The following CHRFAM7A variants were observed in gnomAD, a reference collection of about 807,000 sequenced individuals.
CHRFAM7A encodes the protein CHRNA7 (exons 5-10) and FAM7A (exons A-E) fusion.
Under a neutral mutation model 29.2 loss-of-function variants are expected in CHRFAM7A, and 3 were observed. That is an observed-to-expected ratio of 0.10 (90% CI 0.05 to 0.27). CHRFAM7A has a LOEUF of 0.27. CHRFAM7A is among the 10% of genes least tolerant of loss of function. The pLI, the probability that CHRFAM7A is intolerant of heterozygous loss-of-function variation, is 1.00. For synonymous variants in CHRFAM7A, 7 were observed against 135.4 expected (o/e 0.05, Z 6.58); for missense variants, 22 against 328.0 (o/e 0.07, Z 7.21).
intron 5 of CHRFAM7A, among the ~76,000 whole-genome samples, chr15:30,374,076 T>C (rs2058895498): frequency 7.9e-6 from 1 of 127,018 alleles, no homozygotes; most frequent in Admixed American, 8.2e-5. Flanking sequence ...TGAAAAGAGC[T>C]ATTCCAGGCT....
rs112532606 is a variant in CHRFAM7A at position 30,376,124 on chromosome 15, GGT to G, written c.160+904_160+905del. Among the ~76,000 whole-genome samples the G allele has an allele frequency of 1.8e-3, 272 of 147,568 alleles. No homozygotes were observed. The East Asian group carries it at 0.039, about 21-fold the overall frequency. The stretch of plus-strand genomic sequence containing the variant: ...TGAGTGGTGTGTGTGAGTACTGAGT[GGT>G]GTGTGTGTGTGAGGTGTGTGTGAGT... On this transcript the variant is annotated intron_variant, in intron 5 of 9. Transcript: ENST00000299847.
chr15:30,375,931 A>T (rs1167897207), intron 5 of CHRFAM7A, among the ~76,000 whole-genome samples: 3 of 10,650 alleles, frequency 2.8e-4, no homozygotes, highest in African/African-American at 8.8e-4. Flanking sequence ...GTGTGTGTTG[A>T]GTCGTGTGGG....
chr15:30,374,589 C>A (rs960959444), intron 5 of CHRFAM7A, among the ~76,000 whole-genome samples: 3 of 144,016 alleles, frequency 2.1e-5, no homozygotes, highest in African/African-American at 7.9e-5. Flanking sequence ...TCAGTGGTTG[C>A]TGGGAGTAGG....
intron 5 of CHRFAM7A, among the ~76,000 whole-genome samples, chr15:30,374,646 T>C (rs1418386218): frequency 1.5e-5 from 2 of 129,842 alleles, no homozygotes; most frequent in Non-Finnish European, 3.3e-5. Flanking sequence ...TGTGGGGTGA[T>C]GGGAATGTTC....
At position 30,373,099 on chromosome 15, in the gene CHRFAM7A, A is replaced by G. The variant is rs766053886; in HGVS notation, c.207T>C (p.Phe69=). 1.3e-6 allele frequency: 2 copies of G among 1,566,210 alleles called. No homozygotes were observed. Among genetic ancestry groups the G allele is most frequent in the South Asian group, 2.2e-5 (2 of 89,248 alleles). Residue 69 remains phenylalanine, a synonymous_variant, in exon 6 of 10, where the codon TTT becomes TTC. Transcript: ENST00000299847. ...ACTTCAGTTTGCAGTGCTGCACATC[A>G]AAGGGAAACCAGCGTACATCGATGT... ...SCYIDVRWFP[F]DVQHCKLKFG... is the part of the protein sequence containing the mutation.
chr15:30,375,791 G>A (rs550564392), intron 5 of CHRFAM7A, among the ~76,000 whole-genome samples: 1 of 151,498 alleles, frequency 6.6e-6, no homozygotes, highest in Admixed American at 6.6e-5. Context: ...GTTGAGTCGT[G>A]TGGGTGGTAT....
intron 8 of CHRFAM7A, among the ~76,000 whole-genome samples, 170 bp downstream of exon 8, chr15:30,370,928 C>T (rs1869702): frequency 6.6e-6 from 1 of 151,772 alleles, no homozygotes; most frequent in Admixed American, 6.6e-5. Context: ...ATATCCCCTT[C>T]CCCTTACTTG....
chr15:30,363,159 G>A (rs566440237), intron 9 of CHRFAM7A, among the ~76,000 whole-genome samples: 1 of 149,308 alleles, frequency 6.7e-6, no homozygotes, highest in African/African-American at 2.5e-5. Context: ...TCTGTAACCC[G>A]GGGACCTTCA....
chr15:30,371,552 C>T (rs2058857957), intron 7 of CHRFAM7A, among the ~76,000 whole-genome samples: 1 of 149,960 alleles, frequency 6.7e-6, no homozygotes, highest in Non-Finnish European at 1.5e-5. Flanking sequence ...GATTTCAGGT[C>T]TTACGTTTGC....
intron 5 of CHRFAM7A, among the ~76,000 whole-genome samples, chr15:30,375,886 C>G (rs1288802175): frequency 8.2e-6 from 1 of 121,380 alleles, no homozygotes; most frequent in African/African-American, 3.3e-5. Context: ...TGTGTTGAGT[C>G]GTGTGGGTGG....
At chr15:30,375,301 GGCTAGCAGGAAAGCGGAT>G (rs1477847555) in intron 5 of CHRFAM7A, among the ~76,000 whole-genome samples, 1 of 138,544 alleles carries the variant, frequency 7.2e-6, no homozygotes, top group Non-Finnish European at 1.6e-5. Context: ...GAAATGCCAG[GGCTAGCAGGAAAGCGGAT>G]GCTTCGAGAA....
At chr15:30,377,990 G>A (rs1252008227) in intron 4 of CHRFAM7A, among the ~76,000 whole-genome samples, 5 of 89,944 alleles carry the variant, frequency 5.6e-5, no homozygotes, top group African/African-American at 9.7e-5. Context: ...CTAACAAAAG[G>A]CATTTTAAAC....
upstream of CHRFAM7A, chr15:30,393,866 TGTG>T (rs2059014387): frequency 1.8e-5 from 1 of 56,352 alleles, no homozygotes; most frequent in African/African-American, 7.0e-5. Flanking sequence ...TCTGTGTGTG[TGTG>T]TGTGTGTGTG....
At chr15:30,363,044 G>C (rs550440990) in intron 9 of CHRFAM7A, among the ~76,000 whole-genome samples, 3 of 151,536 alleles carry the variant, frequency 2.0e-5, no homozygotes, top group South Asian at 2.1e-4. Context: ...ATTGTTCTCC[G>C]GGGCAGGCAC....
At chr15:30,393,891 G>GTCTA (rs2059015912), upstream of CHRFAM7A, 3 of 99,732 alleles carry the variant, frequency 3.0e-5, no homozygotes, top group African/African-American at 9.1e-5. Context: ...GTGTCTATGT[G>GTCTA]TGTGTGTGTG....
rs3865088 is a variant in CHRFAM7A at position 30,361,700 on chromosome 15, CTT to C, written c.*591_*592del. ...ATCCTTAGTAAGACCAACAGTCTGT[CTT>C]TTTTTTTTTTTTTTTTGATGTAGAA... On this transcript the variant is annotated 3_prime_UTR_variant, in exon 10 of 10. Coordinates refer to ENST00000299847, the MANE Select transcript of CHRFAM7A (RefSeq NM_139320.2). 1 of 88,494 alleles carries C rather than the reference CTT, an allele frequency of 1.1e-5. No individual in the cohort carries two copies. Among genetic ancestry groups the C allele is most frequent in the African/African-American group, 4.7e-5 (1 of 21,148 alleles). The allele number at this position is 88,494 out of a possible 1,614,324, so 5.5% of individuals were successfully genotyped here.
rs1326799713 is a variant in CHRFAM7A at position 30,361,764 on chromosome 15, GAAATAA to G, written c.*523_*528del. On this transcript the variant is annotated 3_prime_UTR_variant, in exon 10 of 10. Transcript: ENST00000299847. ...CTGTTTCTCTCTACCGTCTTTGATA[GAAATAA>G]AAATAAAAATAAAAAGTTGAATTGC... The G allele has an allele frequency of 4.0e-5, 4 of 99,362 alleles. No individual in the cohort carries two copies. Among genetic ancestry groups the G allele is most frequent in the Non-Finnish European group, 6.4e-5 (3 of 47,234 alleles). 6.2% of individuals were successfully genotyped at this position (99,362 alleles called of 1,614,324 possible).
At position 30,372,978 on chromosome 15, in the gene CHRFAM7A, C is replaced by T. The variant is rs139334363; in HGVS notation, c.328G>A (p.Gly110Arg). Reference sequence around the variant, plus strand: ...CCAGGCGGTTAGTCTCATGGCTTACCCACTAGGTCCCATTCTCCATTGGGG... The same window carrying T: ...CCAGGCGGTTAGTCTCATGGCTTACTCACTAGGTCCCATTCTCCATTGGGG... ...YIPNGEWDLV[G>R]IPGKRSERFY... The change falls in exon 6 of 10, where the codon GGA becomes AGA. Residue 110 changes from glycine (G) to arginine (R), a missense_variant and splice_region_variant. Physicochemically the swap from Gly to Arg is moderately radical, Grantham distance 125. Coordinates refer to ENST00000299847, the MANE Select transcript of CHRFAM7A (RefSeq NM_139320.2). 7.5e-4 allele frequency: 1,198 copies of T among 1,602,654 alleles called. 45 individuals carry two copies. The African/African-American group carries it at 0.015, about 20-fold the overall frequency.
At chr15:30,373,959 G>C in intron 5 of CHRFAM7A, among the ~76,000 whole-genome samples, 1 of 139,952 alleles carries the variant, frequency 7.1e-6, no homozygotes. Flanking sequence ...CCTAGAATCT[G>C]TCTGTAAGAA....
Sources: allele counts gnomAD v4.1 joint callset (sites outside exome capture counted in the v4.1 genomes callset), GRCh38; gene constraint gnomAD v4.1.1; transcripts MANE v1.5; gene names NCBI Gene and HGNC (gene_info 2026-07-23, HGNC 2026-07-21).